TRIM4: variants seen among roughly 807,000 people sequenced by gnomAD.
TRIM4 encodes E3 ubiquitin-protein ligase TRIM4.
A neutral mutation model predicts 33.7 loss-of-function variants in TRIM4; 29 were observed. The ratio of observed to expected loss-of-function variants is 0.86; its 90% confidence interval spans 0.64 to 1.17. The LOEUF is 1.17. Ranked by LOEUF, TRIM4 falls within the 50% of genes most tolerant of loss-of-function variation. The pLI is 0.00. For synonymous variants in TRIM4, 224 were observed against 233.0 expected (o/e 0.96, Z 0.35); for missense variants, 554 against 593.7 (o/e 0.93, Z 0.69).
chr7:99,894,335 T>G (rs1411131087), intron 5 of TRIM4, among the ~76,000 whole-genome samples: 1 of 152,158 alleles, frequency 6.6e-6, no homozygotes. Flanking sequence ...GAATTGGCAT[T>G]TATTTCTTAA....
rs1352946751 is a variant in TRIM4 at position 99,919,419 on chromosome 7, G to C, written c.-18C>G. 1 of 1,518,482 alleles carries C rather than the reference G, an allele frequency of 6.6e-7. No homozygotes were observed. 94.1% of individuals were successfully genotyped at this position (1,518,482 alleles called of 1,614,324 possible). On this transcript the variant is annotated 5_prime_UTR_variant, in exon 1 of 6. Coordinates refer to ENST00000349062, the MANE Select transcript of TRIM4 (RefSeq NM_033091.3). ...GCTTCCATGCTGCTTCCCTGCCGCG[G>C]AGACGGAGTCCGACGTGAGGCGCGG... is the stretch of plus-strand genomic sequence containing the variant.
chr7:99,911,438 T>C (rs1235624458), intron 1 of TRIM4, among the ~76,000 whole-genome samples: 3 of 152,114 alleles, frequency 2.0e-5, no homozygotes, highest in African/African-American at 7.2e-5. Context: ...AGTCTCACTA[T>C]ATGTCAAAAT....
Position 99,891,264 on chromosome 7 carries a change from T to C in TRIM4, c.*899A>G, listed in dbSNP as rs1584257166. The C allele has an allele frequency of 6.6e-6, 1 of 152,352 alleles. No homozygotes were observed. Among genetic ancestry groups the C allele is most frequent in the East Asian group, 1.9e-4 (1 of 5,190 alleles). 9.4% of individuals were successfully genotyped at this position (152,352 alleles called of 1,614,324 possible). On this transcript the variant is annotated 3_prime_UTR_variant, in exon 6 of 6. Coordinates refer to ENST00000349062, the MANE Select transcript of TRIM4 (RefSeq NM_033091.3). Reference sequence around the variant, plus strand: ...CTGCCATTTACCAGCTGGCCAATACTGAGCTAGTTACTCTAAAGAGTTCAG... The same window carrying C: ...CTGCCATTTACCAGCTGGCCAATACCGAGCTAGTTACTCTAAAGAGTTCAG...
chr7:99,917,710 AC>A, intron 1 of TRIM4: 1 of 735,776 alleles, frequency 1.4e-6, no homozygotes, highest in Non-Finnish European at 1.7e-6. Flanking sequence ...CAAGAGCGAA[AC>A]TCCATCTCAA....
At chr7:99,899,871 G>C (rs1168604416) in intron 5 of TRIM4, among the ~76,000 whole-genome samples, 1 of 152,108 alleles carries the variant, frequency 6.6e-6, no homozygotes, top group African/African-American at 2.4e-5. Context: ...GCTCACTGCG[G>C]CCTCAACCTC....
rs1482412964 is a variant in TRIM4, at chr7:99,903,592, T to C, written c.727A>G (p.Lys243Glu). 2.5e-6 allele frequency: 4 copies of C among 1,614,088 alleles called. No individual in the cohort carries two copies. In the Admixed American group the frequency reaches 5.0e-5, roughly 20 times the overall value. Reference sequence around the variant, plus strand: ...AGTGCATACCTGGTCAACACTTCTTTTGGATTCTGTGAAAAGAAGGAAGAC... The same window carrying C: ...AGTGCATACCTGGTCAACACTTCTTCTGGATTCTGTGAAAAGAAGGAAGAC... ...APTLELLQNPKEVLTRSEIQD... is the reference protein window; with the variant it reads ...APTLELLQNPEEVLTRSEIQD... Residue 243 changes from lysine (K) to glutamate (E), a missense_variant, in exon 4 of 6, where the codon AAA becomes GAA. Around this residue, in one of 3 missense-constraint regions of TRIM4, gnomAD observed 290 missense variants for 335.8 expected, o/e 0.86. Coordinates refer to ENST00000349062, the MANE Select transcript of TRIM4 (RefSeq NM_033091.3).
intron 3 of TRIM4, 74 bp downstream of exon 3, chr7:99,908,508 G>C: frequency 1.7e-6 from 2 of 1,201,574 alleles, no homozygotes; most frequent in Non-Finnish European, 2.3e-6. Flanking sequence ...TCACCAGGAA[G>C]GACATTCAGC....
intron 1 of TRIM4, among the ~76,000 whole-genome samples, chr7:99,918,394 C>A (rs1362682960): frequency 6.6e-6 from 1 of 151,932 alleles, no homozygotes; most frequent in African/African-American, 2.4e-5. Context: ...TGGTGAAACC[C>A]CTCTATACTA....
chr7:99,903,497 C>T, intron 4 of TRIM4, 79 bp downstream of exon 4: 16 of 1,580,166 alleles, frequency 1.0e-5, no homozygotes, highest in Non-Finnish European at 1.3e-5. Context: ...CCTATGGATC[C>T]TAGGCCTTGT....
chr7:99,908,936 C>T (rs1819371793), intron 2 of TRIM4, 124 bp from the exon 3 acceptor site: 1 of 824,296 alleles, frequency 1.2e-6, no homozygotes, highest in South Asian at 1.8e-5. Context: ...CTCCTGCCCA[C>T]CCCCACTAAA....
chr7:99,902,745 A>C lies in TRIM4; in HGVS notation c.841+473T>G, dbSNP rs767722088. ...AGCCTCTTTGGATACCCACCCCTCC[A>C]TGTTCTCCACACCTTAGCTCATGCT... On this transcript the variant is annotated intron_variant, in intron 5 of 5. Transcript: ENST00000349062. Among the ~76,000 whole-genome samples, 4 of 151,064 alleles carry C rather than the reference A, an allele frequency of 2.6e-5. No homozygotes were observed. The East Asian group carries it at 5.9e-4, about 22-fold the overall frequency.
At position 99,903,684 on chromosome 7, in the gene TRIM4, G is replaced by C. The variant is rs1028059305; in HGVS notation, c.721-86C>G. 4 of 1,497,320 alleles carry C rather than the reference G, an allele frequency of 2.7e-6. No individual in the cohort carries two copies. The African/African-American group carries it at 5.5e-5, about 21-fold the overall frequency. 92.8% of individuals were successfully genotyped at this position (1,497,320 alleles called of 1,614,324 possible). On this transcript the variant is annotated intron_variant, in intron 3 of 5. Coordinates refer to ENST00000349062, the MANE Select transcript of TRIM4 (RefSeq NM_033091.3). ...ACTGTGTGAGCAGGTATTTTCTGACGGTTGCATTTGCTCATGTCACATATG... is the reference window on the plus strand; with the variant it reads ...ACTGTGTGAGCAGGTATTTTCTGACCGTTGCATTTGCTCATGTCACATATG...
intron 3 of TRIM4, among the ~76,000 whole-genome samples, chr7:99,904,318 A>G (rs1046656016): frequency 4.5e-4 from 69 of 152,200 alleles, no homozygotes; most frequent in Non-Finnish European, 5.6e-4. Context: ...ACAAATTCCA[A>G]TAGGGGAGCA....
intron 5 of TRIM4, among the ~76,000 whole-genome samples, chr7:99,900,890 C>A (rs1819149690): frequency 6.6e-6 from 1 of 152,130 alleles, no homozygotes; most frequent in African/African-American, 2.4e-5. Context: ...TGGTTTCCAG[C>A]AAGTTATGAT....
chr7:99,891,339 G>A lies in TRIM4; in HGVS notation c.*824C>T, dbSNP rs1818888973. On this transcript the variant is annotated 3_prime_UTR_variant, in exon 6 of 6. Coordinates refer to ENST00000349062, the MANE Select transcript of TRIM4 (RefSeq NM_033091.3). ...TTGACTTTCCATCTCACTGAGTTGT[G>A]ATGAGAGTCATATGCAACAGCATAT... The A allele has an allele frequency of 6.6e-6, 1 of 152,218 alleles. No individual in the cohort carries two copies. Among genetic ancestry groups the A allele is most frequent in the African/African-American group, 2.4e-5 (1 of 41,446 alleles). The allele number at this position is 152,218 out of a possible 1,614,324, so 9.4% of individuals were successfully genotyped here.
intron 1 of TRIM4, chr7:99,916,811 T>C (rs1819565562): frequency 1.3e-6 from 1 of 780,020 alleles, no homozygotes; most frequent in Non-Finnish European, 2.4e-6. Context: ...TATCATTCCC[T>C]GCCTTAAAAC....
chr7:99,899,346 C>G (rs946830157), intron 5 of TRIM4, among the ~76,000 whole-genome samples: 3 of 152,168 alleles, frequency 2.0e-5, no homozygotes, highest in African/African-American at 7.2e-5. Flanking sequence ...AACCTGCATG[C>G]TTTTTACAAA....
At chr7:99,896,865 C>T (rs1819027488) in intron 5 of TRIM4, among the ~76,000 whole-genome samples, 1 of 152,234 alleles carries the variant, frequency 6.6e-6, no homozygotes, top group South Asian at 2.1e-4. Context: ...AGTCAAATGC[C>T]CAAGCTGTGG....
At chr7:99,903,900 C>G (rs1819235365) in intron 3 of TRIM4, among the ~76,000 whole-genome samples, 1 of 152,182 alleles carries the variant, frequency 6.6e-6, no homozygotes, top group Non-Finnish European at 1.5e-5. Context: ...CTTTGCGTGC[C>G]TTTTGGTGGG....
Sources: gnomAD v4.1 joint callset for allele counts (sites outside exome capture counted in the v4.1 genomes callset) on GRCh38, gnomAD v4.1.1 for gene constraint, gnomAD v4.1.1 regional missense constraint, MANE v1.5 for transcripts, NCBI Gene and HGNC (gene_info 2026-07-23, HGNC 2026-07-21) for gene names.